The following BRF1 variants were observed in gnomAD, a reference collection of about 807,000 sequenced individuals.
The protein encoded by BRF1 is transcription factor IIIB 90 kDa subunit.
BRF1 carries 59 observed loss-of-function variants against 81.7 expected under a neutral mutation model. That is an observed-to-expected ratio of 0.72 (90% CI 0.59 to 0.90). The LOEUF (loss-of-function observed/expected upper bound fraction) is 0.90. BRF1 is among the 40% of genes least tolerant of loss of function. BRF1 has a pLI of 0.00. For missense variants in BRF1, 1,050 were observed against 936.3 expected (o/e 1.12, Z -1.58); for synonymous variants, 491 against 395.6 (o/e 1.24, Z -2.86).
chr14:105,215,989 C>T (rs971780385), intron 15 of BRF1, among the ~76,000 whole-genome samples: 15 of 145,110 alleles, frequency 1.0e-4, no homozygotes, highest in South Asian at 2.2e-4. Flanking sequence ...CATACACAGG[C>T]GCACACACAC....
intron 1 of BRF1, among the ~76,000 whole-genome samples, chr14:105,313,663 C>T (rs1258237823): frequency 6.6e-6 from 1 of 152,254 alleles, no homozygotes; most frequent in African/African-American, 2.4e-5. Flanking sequence ...AAACCAGCTC[C>T]AGGTCAATTT....
intron 1 of BRF1, among the ~76,000 whole-genome samples, chr14:105,295,926 A>T (rs1177561235): frequency 6.6e-6 from 1 of 151,870 alleles, no homozygotes; most frequent in Non-Finnish European, 1.5e-5. Flanking sequence ...TACAAATACA[A>T]AAACCAGCCG....
intron 10 of BRF1, chr14:105,222,666 T>C (rs1196019504): frequency 6.6e-6 from 1 of 151,890 alleles, no homozygotes; most frequent in Non-Finnish European, 1.5e-5. Flanking sequence ...TCTCGCTCTG[T>C]CGCCCAGGCT....
chr14:105,214,758 C>T (rs587639038), intron 15 of BRF1, among the ~76,000 whole-genome samples: 11 of 152,324 alleles, frequency 7.2e-5, no homozygotes, highest in African/African-American at 2.2e-4. Context: ...TGCTGAGGAA[C>T]GCTGTGGTCG....
Position 105,219,173 on chromosome 14 carries a change from G to C in BRF1, c.1437C>G (p.Ala479=). The C allele has an allele frequency of 6.2e-7, 1 of 1,612,370 alleles. No homozygotes were observed. The highest frequency in any genetic ancestry group is 8.5e-7 in the Non-Finnish European group (1 of 1,178,696). ...VKAELWMREN[A]EYLREQREKE... is the part of the protein sequence containing the mutation. ...TACCCCTCTGTTCCCGCAGGTACTC[G>C]GCGTTCTCCCTCATCCACAGCTCGG... Residue 479 remains alanine, a synonymous_variant, in exon 13 of 18, where the codon GCC becomes GCG. Transcript: ENST00000547530.
chr14:105,248,715 C>G (rs2055339393), intron 5 of BRF1: 3 of 982,496 alleles, frequency 3.1e-6, no homozygotes, highest in South Asian at 4.7e-5. Context: ...GCCGCCCATG[C>G]TGCTGCCCCT....
intron 3 of BRF1, among the ~76,000 whole-genome samples, chr14:105,260,060 G>A (rs2056075577): frequency 6.6e-6 from 1 of 152,204 alleles, no homozygotes; most frequent in South Asian, 2.1e-4. Context: ...GGGGCATGAG[G>A]TCTGTCCACA....
chr14:105,209,779 T>C lies in BRF1; in HGVS notation c.*772A>G. The C allele has an allele frequency of 1.8e-6, 1 of 541,508 alleles. No homozygotes were observed. The allele number at this position is 541,508 out of a possible 1,614,324, so 33.5% of individuals were successfully genotyped here. A position where few individuals can be genotyped will look rare whatever the true frequency, so the allele number is the denominator to read the frequency against. ...CCTACAGAGCTATGCTCAGGACGGG[T>C]GGGCGCCGGTCTCAGCTGTCGGGCA... is the stretch of plus-strand genomic sequence containing the variant. On this transcript the variant is annotated 3_prime_UTR_variant, in exon 18 of 18. Coordinates refer to ENST00000547530, the MANE Select transcript of BRF1 (RefSeq NM_001519.4).
rs2057235579 is a variant in BRF1 at position 105,284,361 on chromosome 14, T to G, written c.265+1935A>C. ...AAGCGTAAGGATCCATCCACTCTGC[T>G]GTGAGGGATCATCGCAAGCCCAACT... On this transcript the variant is annotated intron_variant, in intron 2 of 17. Transcript: ENST00000547530. The surrounding 1 kb of genome is among the most constrained non-coding windows in gnomAD (Gnocchi z 4.0). Among the ~76,000 whole-genome samples the G allele has an allele frequency of 6.6e-6, 1 of 152,178 alleles. No homozygotes were observed. Among genetic ancestry groups the G allele is most frequent in the African/African-American group, 2.4e-5 (1 of 41,432 alleles).
chr14:105,242,613 T>C (rs2054764162), intron 5 of BRF1: 1 of 151,770 alleles, frequency 6.6e-6, no homozygotes, highest in South Asian at 2.1e-4. Flanking sequence ...TGCATGCCTC[T>C]AGTCCCAGCT....
intron 1 of BRF1, among the ~76,000 whole-genome samples, chr14:105,298,202 G>C (rs2057818715): frequency 6.6e-6 from 1 of 152,076 alleles, no homozygotes; most frequent in South Asian, 2.1e-4. Context: ...TTTCAGGTAA[G>C]AATATGTGAC....
intron 5 of BRF1, chr14:105,250,770 TCTCTC>T: frequency 7.8e-7 from 1 of 1,280,232 alleles, no homozygotes; most frequent in Non-Finnish European, 1.1e-6. Context: ...CTTAACTTTG[TCTCTC>T]TTTGACATGT....
chr14:105,312,452 C>A (rs1179374567), intron 1 of BRF1, among the ~76,000 whole-genome samples: 1 of 152,234 alleles, frequency 6.6e-6, no homozygotes, highest in African/African-American at 2.4e-5. Context: ...ACCTCCTCCC[C>A]AACCGTGCCC....
chr14:105,311,842 C>T (rs1389117978), intron 1 of BRF1, among the ~76,000 whole-genome samples: 1 of 152,240 alleles, frequency 6.6e-6, no homozygotes, highest in East Asian at 1.9e-4. Context: ...ACCATTCCTC[C>T]TCAGCCTCAG....
At chr14:105,251,452 G>A (rs2055609508) in intron 5 of BRF1, among the ~76,000 whole-genome samples, 1 of 152,170 alleles carries the variant, frequency 6.6e-6, no homozygotes, top group Admixed American at 6.5e-5. Context: ...TGCAGGAGTG[G>A]ACTATAGGGT....
At chr14:105,261,933 G>T (rs778510852) in intron 3 of BRF1, among the ~76,000 whole-genome samples, 2 of 152,042 alleles carry the variant, frequency 1.3e-5, no homozygotes, top group Non-Finnish European at 2.9e-5. Flanking sequence ...CTCCCCTTCT[G>T]CAGGCCCCCC....
Position 105,300,464 on chromosome 14 carries a change from G to A in BRF1, c.166C>T (p.Gln56Ter). Reference protein sequence around the residue: ...SSGGGSSAVGQFVSLDGAGKT... With the variant: ...SSGGGSSAVG ...GACTCACCGTCCAGGGACACGAACT[G>A]GCCCACGGCCGAGGAGCCGCCGCCG... Residue 56 changes from glutamine to a stop codon, truncating the protein, a stop_gained, in exon 1 of 18, where the codon CAG becomes TAG. Coordinates refer to ENST00000547530, the MANE Select transcript of BRF1 (RefSeq NM_001519.4). LOFTEE classifies it high-confidence loss of function. 6.5e-7 allele frequency: 1 copy of A among 1,531,910 alleles called. No individual in the cohort carries two copies. Among genetic ancestry groups the A allele is most frequent in the Non-Finnish European group, 8.7e-7 (1 of 1,143,816 alleles). The allele number at this position is 1,531,910 out of a possible 1,614,324, so 94.9% of individuals were successfully genotyped here. A position where few individuals can be genotyped will look rare whatever the true frequency, so the allele number is the denominator to read the frequency against.
intron 6 of BRF1, among the ~76,000 whole-genome samples, chr14:105,229,395 G>A (rs1340579065): frequency 6.6e-6 from 1 of 152,236 alleles, no homozygotes; most frequent in Admixed American, 6.5e-5. Context: ...CAGGTGGACT[G>A]AATCCTGCAG....
rs771437051 is a variant in BRF1 at position 105,226,675 on chromosome 14, G to C, written c.874C>G (p.Pro292Ala). The C allele has an allele frequency of 2.7e-5, 43 of 1,613,432 alleles. No individual in the cohort carries two copies. The highest frequency in any genetic ancestry group is 3.5e-5 in the Non-Finnish European group (41 of 1,180,034). ...KIDLEEECDP[P>A]SYTAGQRKLR... Reference sequence around the variant, plus strand: ...TTCCTCTGCCCAGCTGTGTACGAGGGGGGGTCGCACTCCTCCTCCAGGTCG... The same window carrying C: ...TTCCTCTGCCCAGCTGTGTACGAGGCGGGGTCGCACTCCTCCTCCAGGTCG... Residue 292 changes from proline (P) to alanine (A), a missense_variant, in exon 8 of 18, where the codon CCC becomes GCC. Physicochemically the swap from Pro to Ala is conservative, Grantham distance 27. Coordinates refer to ENST00000547530, the MANE Select transcript of BRF1 (RefSeq NM_001519.4).
Sources: gnomAD v4.1 joint callset for allele counts (sites outside exome capture counted in the v4.1 genomes callset) on GRCh38, gnomAD v4.1.1 for gene constraint, Gnocchi (gnomAD v3.1) non-coding constraint, MANE v1.5 for transcripts, NCBI Gene and HGNC (gene_info 2026-07-23, HGNC 2026-07-21) for gene names.